EXOC4: variants seen among roughly 807,000 people sequenced by gnomAD.
EXOC4 encodes the protein exocyst complex component 4.
In EXOC4, 71 loss-of-function variants were observed where a neutral mutation model predicts 107.2. That is an observed-to-expected ratio of 0.66 (90% CI 0.55 to 0.81). The LOEUF is 0.81. Ranked by LOEUF, EXOC4 falls within the 30% of genes least tolerant of loss-of-function variation. EXOC4 has a pLI of 0.00. For synonymous variants in EXOC4, 456 were observed against 441.2 expected (o/e 1.03, Z -0.42); for missense variants, 1,108 against 1,189.6 (o/e 0.93, Z 1.01).
chr7:134,045,656 G>A (rs562343211), intron 17 of EXOC4, among the ~76,000 whole-genome samples: 2 of 152,254 alleles, frequency 1.3e-5, no homozygotes, highest in Non-Finnish European at 2.9e-5. Flanking sequence ...CCCTTTTAAC[G>A]TATGCAATTC....
chr7:133,825,658 A>C (rs1797685691), intron 11 of EXOC4, among the ~76,000 whole-genome samples: 1 of 152,202 alleles, frequency 6.6e-6, no homozygotes, highest in Non-Finnish European at 1.5e-5. Flanking sequence ...TTTTCATCAT[A>C]TCACATTATG....
intron 9 of EXOC4, among the ~76,000 whole-genome samples, chr7:133,537,152 G>T (rs781624557): frequency 5.3e-4 from 69 of 130,852 alleles, no homozygotes; most frequent in Non-Finnish European, 5.5e-4. Context: ...TATATATCTT[G>T]ATTTTTTTTT....
intron 14 of EXOC4, among the ~76,000 whole-genome samples, chr7:133,989,948 T>G (rs1053353700): frequency 1.5e-4 from 23 of 152,294 alleles, no homozygotes; most frequent in Non-Finnish European, 1.5e-5. Context: ...CTTTTGAAAT[T>G]AAAATCCAGA....
At chr7:133,575,916 T>C (rs1296477310) in intron 9 of EXOC4, among the ~76,000 whole-genome samples, 1 of 152,162 alleles carries the variant, frequency 6.6e-6, no homozygotes, top group Non-Finnish European at 1.5e-5. Context: ...TGACAGATTA[T>C]ATCTGAAAAG....
At chr7:133,857,325 GTATATATATATATATATATATATATA>G (rs71162035) in intron 11 of EXOC4, among the ~76,000 whole-genome samples, 1 of 2,598 alleles carries the variant, frequency 3.8e-4, no homozygotes, top group Admixed American at 6.9e-3. Flanking sequence ...ATATATACAC[GTATATATATATATATATATATATATA>G]TATATATATA....
At chr7:133,590,409 C>T (rs1801514135) in intron 9 of EXOC4, among the ~76,000 whole-genome samples, 1 of 152,038 alleles carries the variant, frequency 6.6e-6, no homozygotes, top group African/African-American at 2.4e-5. Flanking sequence ...TAGAAAACGG[C>T]AGGGTCCCTG....
At chr7:134,045,018 A>G (rs894262413) in intron 17 of EXOC4, among the ~76,000 whole-genome samples, 2 of 152,206 alleles carry the variant, frequency 1.3e-5, no homozygotes, top group Non-Finnish European at 2.9e-5. Flanking sequence ...ATTGTTAACT[A>G]GCCAGGTGAC....
intron 9 of EXOC4, among the ~76,000 whole-genome samples, chr7:133,520,575 A>T (rs940830811): frequency 1.3e-5 from 2 of 152,150 alleles, no homozygotes; most frequent in Non-Finnish European, 2.9e-5. Flanking sequence ...TAAAAGATGA[A>T]ATATATATTC....
chr7:134,098,324 C>A, the EXOC4 span, among the ~76,000 whole-genome samples: 1 of 152,150 alleles, frequency 6.6e-6, no homozygotes, highest in Non-Finnish European at 1.5e-5. Flanking sequence ...GTGCAAGCTG[C>A]GTGATATCAT....
At chr7:133,950,279 C>T (rs1196976521) in intron 14 of EXOC4, among the ~76,000 whole-genome samples, 4 of 152,188 alleles carry the variant, frequency 2.6e-5, no homozygotes. Context: ...TATCCTGACA[C>T]CCGAGGGATA....
chr7:133,874,408 CAA>C (rs1157463781), intron 11 of EXOC4, among the ~76,000 whole-genome samples: 1 of 152,200 alleles, frequency 6.6e-6, no homozygotes, highest in Non-Finnish European at 1.5e-5. Context: ...TAGTTCTTCT[CAA>C]GTGTTATTGT....
At chr7:134,063,039 T>A (rs1796102096) in intron 17 of EXOC4, among the ~76,000 whole-genome samples, 1 of 152,230 alleles carries the variant, frequency 6.6e-6, no homozygotes, top group African/African-American at 2.4e-5. Context: ...AAGCACAATT[T>A]TGAATGGCAC....
chr7:133,681,251 G>A (rs965779825), intron 10 of EXOC4, among the ~76,000 whole-genome samples: 1 of 152,058 alleles, frequency 6.6e-6, no homozygotes, highest in African/African-American at 2.4e-5. Context: ...AGAATCAATG[G>A]CTGTAACTTA....
At chr7:133,614,646 G>A (rs910754330) in intron 9 of EXOC4, among the ~76,000 whole-genome samples, 1 of 152,034 alleles carries the variant, frequency 6.6e-6, no homozygotes, top group Non-Finnish European at 1.5e-5. Flanking sequence ...CATTGAAGAT[G>A]CATTGTTATA....
chr7:133,623,333 T>A (rs1301054986), intron 9 of EXOC4, among the ~76,000 whole-genome samples: 1 of 152,208 alleles, frequency 6.6e-6, no homozygotes, highest in Non-Finnish European at 1.5e-5. Context: ...AATATACTTT[T>A]TCAGCCCTTT....
intron 13 of EXOC4, among the ~76,000 whole-genome samples, chr7:133,934,144 G>A (rs544559245): frequency 7.9e-5 from 12 of 152,168 alleles, no homozygotes; most frequent in East Asian, 1.9e-4. Flanking sequence ...TGACTTCATG[G>A]TTTTCCATAG....
rs1352136054 is a variant in EXOC4, at chr7:133,872,802, A to AT, written c.1735-22794dup. Among the ~76,000 whole-genome samples, 3 of 152,350 alleles carry AT rather than the reference A, an allele frequency of 2.0e-5. No homozygotes were observed. In the East Asian group the frequency reaches 5.8e-4, roughly 29 times the overall value. On this transcript the variant is annotated intron_variant, in intron 11 of 17. Transcript: ENST00000253861. ...ACCCACAGTAAGAGGCTGTTGAACAATTTCATTTAACACTTTTGGATCTCA... is the reference window on the plus strand; with the variant it reads ...ACCCACAGTAAGAGGCTGTTGAACAATTTTCATTTAACACTTTTGGATCTCA...
intron 10 of EXOC4, among the ~76,000 whole-genome samples, chr7:133,735,913 A>G (rs373362616): frequency 6.6e-6 from 1 of 152,018 alleles, no homozygotes; most frequent in South Asian, 2.1e-4. Context: ...GCGAAATTCC[A>G]TCTCTACAAA....
chr7:133,917,948 G>C (rs966249205), intron 13 of EXOC4, among the ~76,000 whole-genome samples: 1 of 151,420 alleles, frequency 6.6e-6, no homozygotes, highest in Non-Finnish European at 1.5e-5. Flanking sequence ...ATTAATGTGA[G>C]TCAAATTTGG....
Sources: gnomAD v4.1 joint callset for allele counts (sites outside exome capture counted in the v4.1 genomes callset) on GRCh38, gnomAD v4.1.1 for gene constraint, MANE v1.5 for transcripts, NCBI Gene and HGNC (gene_info 2026-07-23, HGNC 2026-07-21) for gene names.